Variants in SLC35F1 observed in about 807,000 individuals in gnomAD.
The protein encoded by SLC35F1 is solute carrier family 35 member F1, also known as chromosome 6 open reading frame 169.
A neutral mutation model predicts 48.7 loss-of-function variants in SLC35F1; 14 were observed. The ratio of observed to expected loss-of-function variants is 0.29; its 90% CI spans 0.19 to 0.45. The LOEUF (loss-of-function observed/expected upper bound fraction) is 0.45, where lower values mean the gene tolerates loss of function less well. Among genes scored for constraint, SLC35F1 ranks in the 20% least tolerant of loss-of-function variants. SLC35F1 has a pLI of 1.00. For synonymous variants in SLC35F1, 190 were observed against 202.2 expected (o/e 0.94, Z 0.51); for missense variants, 404 against 500.0 (o/e 0.81, Z 1.83).
At chr6:118,196,698 G>A (rs1774804951) in intron 2 of SLC35F1, among the ~76,000 whole-genome samples, 1 of 151,934 alleles carries the variant, frequency 6.6e-6, no homozygotes, top group Admixed American at 6.6e-5. Flanking sequence ...ACCCCAGCTT[G>A]GGCCACAGAG....
chr6:118,135,410 A>T (rs1209952851), intron 1 of SLC35F1, among the ~76,000 whole-genome samples: 1 of 152,230 alleles, frequency 6.6e-6, no homozygotes, highest in Non-Finnish European at 1.5e-5. Flanking sequence ...ACAGAAACAC[A>T]GTTTATGTTG....
intron 1 of SLC35F1, among the ~76,000 whole-genome samples, chr6:118,041,026 G>A (rs1272240908): frequency 6.6e-6 from 1 of 151,786 alleles, no homozygotes; most frequent in Non-Finnish European, 1.5e-5. Context: ...ATTTTTTCTA[G>A]TATTATAAGA....
chr6:118,315,553 C>G lies in SLC35F1; in HGVS notation c.*1301C>G, dbSNP rs1193888054. 6.6e-6 allele frequency: 1 copy of G among 151,618 alleles called. No homozygotes were observed. The highest frequency in any genetic ancestry group is 1.9e-4 in the East Asian group (1 of 5,168). 9.4% of individuals were successfully genotyped at this position (151,618 alleles called of 1,614,324 possible). On this transcript the variant is annotated 3_prime_UTR_variant, in exon 8 of 8. Coordinates refer to ENST00000360388, the MANE Select transcript of SLC35F1 (RefSeq NM_001029858.4). ...CTCCGGGATTCACACCATTCTCCTG[C>G]CTCAGCCTCCCGAGTAGCTGGGACT...
At chr6:117,930,334 T>C (rs1334076575) in intron 1 of SLC35F1, among the ~76,000 whole-genome samples, 1 of 152,192 alleles carries the variant, frequency 6.6e-6, no homozygotes, top group Non-Finnish European at 1.5e-5. Context: ...CTTTTATTTA[T>C]TCTGCAGAGG....
intron 1 of SLC35F1, among the ~76,000 whole-genome samples, chr6:117,996,186 G>A (rs536304134): frequency 4.6e-5 from 7 of 152,040 alleles, no homozygotes; most frequent in Non-Finnish European, 8.8e-5. Context: ...AAATTTTAAG[G>A]TAAAAATCTC....
intron 1 of SLC35F1, among the ~76,000 whole-genome samples, chr6:117,969,316 T>C (rs78789306): frequency 0.018 from 2,714 of 152,314 alleles, 31 homozygotes; most frequent in East Asian, 0.031. Flanking sequence ...CAAACTTTGA[T>C]AGGAAGGTAT....
chr6:118,018,982 A>C (rs1461685528), intron 1 of SLC35F1, among the ~76,000 whole-genome samples: 5 of 152,264 alleles, frequency 3.3e-5, no homozygotes, highest in South Asian at 4.2e-4. Flanking sequence ...CATTTGAAAT[A>C]ATTTGAGCTC....
chr6:117,990,988 T>G (rs1255192775), intron 1 of SLC35F1, among the ~76,000 whole-genome samples: 1 of 152,194 alleles, frequency 6.6e-6, no homozygotes, highest in African/African-American at 2.4e-5. Flanking sequence ...GAGTGTAAAG[T>G]GAGTGGTTTG....
At chr6:117,923,691 GTACATATACATATA>G (rs1775955555) in intron 1 of SLC35F1, among the ~76,000 whole-genome samples, 1 of 7,424 alleles carries the variant, frequency 1.3e-4, no homozygotes, top group Non-Finnish European at 3.4e-4. Flanking sequence ...ATATACATAT[GTACATATACATATA>G]TGTACATATA....
In SLC35F1 at chr6:117,972,836, C is replaced by G. The variant is rs142846891; in HGVS notation, c.173+64937C>G. ...AGCCAAATCATATCAGCCACCCATA[C>G]CTAGATCCCCATTATAAAATTAGGG... On this transcript the variant is annotated intron_variant, in intron 1 of 7. Transcript: ENST00000360388. 1.1e-3 allele frequency among the ~76,000 whole-genome samples: 161 copies of G among 152,222 alleles called. 2 individuals are homozygous for G. The East Asian group carries it at 0.027, about 25-fold the overall frequency.
chr6:117,950,513 C>A (rs895759686), intron 1 of SLC35F1, among the ~76,000 whole-genome samples: 1 of 152,110 alleles, frequency 6.6e-6, no homozygotes, highest in Non-Finnish European at 1.5e-5. Context: ...GTACTCTGTA[C>A]CAGCTGCCAT....
At chr6:118,273,619 G>C (rs1034756039) in intron 4 of SLC35F1, among the ~76,000 whole-genome samples, 1 of 152,164 alleles carries the variant, frequency 6.6e-6, no homozygotes, top group African/African-American at 2.4e-5. Flanking sequence ...TTGTTTTATA[G>C]TTGACACATA....
chr6:117,909,855 T>C (rs1775741047), intron 1 of SLC35F1, among the ~76,000 whole-genome samples: 1 of 152,164 alleles, frequency 6.6e-6, no homozygotes, highest in Non-Finnish European at 1.5e-5. Context: ...AGTCCCAGTG[T>C]ATAGAGGAGG....
At chr6:118,153,070 A>C (rs1774086291) in intron 1 of SLC35F1, among the ~76,000 whole-genome samples, 1 of 152,200 alleles carries the variant, frequency 6.6e-6, no homozygotes, top group Admixed American at 6.5e-5. Context: ...AGATGGAATG[A>C]ACAAAATATA....
chr6:118,083,062 T>G (rs764483595), intron 1 of SLC35F1, among the ~76,000 whole-genome samples: 5 of 152,116 alleles, frequency 3.3e-5, no homozygotes, highest in Non-Finnish European at 7.4e-5. Flanking sequence ...AAAAACAAAT[T>G]GAATGATTTT....
At chr6:118,186,346 A>C (rs1419797086) in intron 2 of SLC35F1, among the ~76,000 whole-genome samples, 1 of 152,098 alleles carries the variant, frequency 6.6e-6, no homozygotes, top group Non-Finnish European at 1.5e-5. Context: ...AGTAAAAGAA[A>C]GATAATAGCG....
chr6:118,151,497 T>C (rs1002110525), intron 1 of SLC35F1, among the ~76,000 whole-genome samples: 3 of 152,144 alleles, frequency 2.0e-5, no homozygotes, highest in Non-Finnish European at 4.4e-5. Context: ...ATTATACTTA[T>C]CTTAGGCAGT....
intron 7 of SLC35F1, among the ~76,000 whole-genome samples, chr6:118,295,966 G>C (rs1036235978): frequency 1.3e-5 from 2 of 152,120 alleles, no homozygotes; most frequent in African/African-American, 4.8e-5. Flanking sequence ...TTGAGGCTTC[G>C]TCTTGCTGAA....
intron 1 of SLC35F1, among the ~76,000 whole-genome samples, chr6:118,000,760 A>G (rs1185248444): frequency 5.9e-5 from 9 of 152,232 alleles, no homozygotes; most frequent in Non-Finnish European, 1.3e-4. Context: ...GTCTCAGGAT[A>G]CAAAATCAAT....
Sources: gnomAD v4.1 joint callset for allele counts (sites outside exome capture counted in the v4.1 genomes callset) on GRCh38, gnomAD v4.1.1 for gene constraint, MANE v1.5 for transcripts, NCBI Gene and HGNC (gene_info 2026-07-23, HGNC 2026-07-21) for gene names.